ASMT: variants seen among roughly 807,000 people sequenced by gnomAD.
ASMT encodes acetylserotonin O-methyltransferase.
ASMT carries 53 observed loss-of-function variants against 41.3 expected under a neutral mutation model. That is an observed-to-expected ratio of 1.28 (90% CI 1.03 to 1.61). The LOEUF (loss-of-function observed/expected upper bound fraction) is 1.61, where lower values mean the gene tolerates loss of function less well. Ranked by LOEUF, ASMT falls within the 40% of genes most tolerant of loss-of-function variation. ASMT has a pLI of 0.00. For synonymous variants in ASMT, 231 were observed against 184.8 expected (o/e 1.25, Z -2.03); for missense variants, 531 against 441.3 (o/e 1.20, Z -1.82).
At chrX:1,625,174 G>T (rs1934486939) in intron 3 of ASMT, among the ~76,000 whole-genome samples, 1 of 146,280 alleles carries the variant, frequency 6.8e-6, no homozygotes, top group South Asian at 2.1e-4. Context: ...GCGCCATCTC[G>T]GCTCATTGCA....
At chrX:1,628,336 A>G (rs1234917726) in intron 4 of ASMT, among the ~76,000 whole-genome samples, 1 of 152,146 alleles carries the variant, frequency 6.6e-6, no homozygotes. Flanking sequence ...AAGAAAAGAA[A>G]AGAATATAGA....
intron 7 of ASMT, among the ~76,000 whole-genome samples, chrX:1,634,993 G>C (rs113112409): frequency 0.1 from 8,299 of 79,214 alleles, 330 homozygotes; most frequent in Middle Eastern, 0.2. Flanking sequence ...TTTTTTTTTT[G>C]AGATGGAGTC....
chrX:1,635,392 A>G (rs1934923417), intron 7 of ASMT, among the ~76,000 whole-genome samples: 1 of 152,096 alleles, frequency 6.6e-6, no homozygotes, highest in Non-Finnish European at 1.5e-5. Context: ...CATCGCACAC[A>G]CATAAAGGGT....
rs1247660237 is a variant in ASMT at position 1,629,722 on chromosome X, G to T, written c.444-99G>T. ...ATGCAAGCCTTCCAGGTGCACCTGT[G>T]GGGTATAGCTCCGTTCTCAACAGGG... is the stretch of plus-strand genomic sequence containing the variant. On this transcript the variant is annotated intron_variant, in intron 4 of 8. Coordinates refer to ENST00000381241, the MANE Select transcript of ASMT (RefSeq NM_001171038.2). 4 of 1,070,184 alleles carry T rather than the reference G, an allele frequency of 3.7e-6. No homozygotes were observed. In the African/African-American group the frequency reaches 6.1e-5, roughly 16 times the overall value. The allele number at this position is 1,070,184 out of a possible 1,614,324, so 66.3% of individuals were successfully genotyped here. A position where few individuals can be genotyped will look rare whatever the true frequency, so the allele number is the denominator to read the frequency against.
chrX:1,617,680 A>G (rs1378026745), intron 1 of ASMT, among the ~76,000 whole-genome samples: 1 of 149,340 alleles, frequency 6.7e-6, no homozygotes, highest in African/African-American at 2.5e-5. Context: ...CAGTGGCGCT[A>G]TCTCGGCTCA....
intron 1 of ASMT, among the ~76,000 whole-genome samples, chrX:1,615,695 G>A (rs1295405614): frequency 3.3e-5 from 5 of 151,884 alleles, no homozygotes; most frequent in Admixed American, 1.3e-4. Context: ...CCAGCTACTT[G>A]GGAGGCTGAG....
At chrX:1,631,193 C>G (rs1380307178) in intron 5 of ASMT, among the ~76,000 whole-genome samples, 10 of 151,676 alleles carry the variant, frequency 6.6e-5, no homozygotes, top group African/African-American at 2.4e-4. Context: ...GGATTGCAGG[C>G]ATGAGCCACT....
At chrX:1,641,687 G>C (rs1472694268) in intron 8 of ASMT, among the ~76,000 whole-genome samples, 2 of 148,044 alleles carry the variant, frequency 1.4e-5, no homozygotes, top group Admixed American at 7.0e-5. Flanking sequence ...CAGCCTCTCT[G>C]TGTGAGATGG....
rs761206501 is a variant in ASMT at position 1,632,719 on chromosome X, T to C, written c.578T>C (p.Leu193Pro). The change falls in exon 6 of 9, where the codon CTG (leucine) becomes CCG (proline). Residue 193 changes from leucine (L) to proline (P), a missense_variant. By Grantham distance (98) the Leu-to-Pro change is moderately conservative. Coordinates refer to ENST00000381241, the MANE Select transcript of ASMT (RefSeq NM_001171038.2). ...TCCTTTGCAGGGACATGGATAAAGC[T>C]GGAAACCATCATTCTCAGCAAACTA... Reference protein sequence around the residue: ...MCDLGGTWIKLETIILSKLSQ... With the variant: ...MCDLGGTWIKPETIILSKLSQ... 1.0e-3 allele frequency: 276 copies of C among 269,610 alleles called. No individual in the cohort carries two copies. Among genetic ancestry groups the C allele is most frequent in the African/African-American group, 5.6e-3 (259 of 46,242 alleles). The allele number at this position is 269,610 out of a possible 1,614,324, so 16.7% of individuals were successfully genotyped here. A position where few individuals can be genotyped will look rare whatever the true frequency, so the allele number is the denominator to read the frequency against.
At chrX:1,619,547 A>G (rs1381369097) in intron 1 of ASMT, among the ~76,000 whole-genome samples, 1 of 132,452 alleles carries the variant, frequency 7.5e-6, no homozygotes, top group Non-Finnish European at 1.6e-5. Flanking sequence ...CAGAACTTAA[A>G]GTATAATAAT....
At chrX:1,617,196 C>T (rs775150074) in intron 1 of ASMT, among the ~76,000 whole-genome samples, 46 of 150,988 alleles carry the variant, frequency 3.0e-4, no homozygotes, top group African/African-American at 1.0e-3. Context: ...CGGCAGGGCG[C>T]GGTGGCTCAT....
rs1452921086 is a variant in ASMT, at chrX:1,627,784, A to G, written c.443+13A>G. The stretch of plus-strand genomic sequence containing the variant: ...CGGCCATCTACAGGTAACACCCATC[A>G]CTTTGAAACCAACAACTCAGATAAG... On this transcript the variant is annotated intron_variant, in intron 4 of 8. Transcript: ENST00000381241. 3.1e-6 allele frequency: 5 copies of G among 1,612,448 alleles called. No individual in the cohort carries two copies. The East Asian group carries it at 8.9e-5, about 29-fold the overall frequency.
At chrX:1,632,096 A>G (rs1182646019) in intron 5 of ASMT, among the ~76,000 whole-genome samples, 1 of 152,158 alleles carries the variant, frequency 6.6e-6, no homozygotes, top group Non-Finnish European at 1.5e-5. Flanking sequence ...GACAAGGAGC[A>G]TGGGGCTGGA....
chrX:1,627,361 C>T (rs1375393653), intron 3 of ASMT, among the ~76,000 whole-genome samples: 3 of 149,306 alleles, frequency 2.0e-5, no homozygotes, highest in Non-Finnish European at 3.0e-5. Context: ...GTGGCTCACA[C>T]CTGTAACCCC....
At chrX:1,635,849 C>A (rs1253837195) in intron 7 of ASMT, among the ~76,000 whole-genome samples, 1 of 150,980 alleles carries the variant, frequency 6.6e-6, no homozygotes, top group African/African-American at 2.4e-5. Context: ...GCAACAAGAG[C>A]AAAACTCCAT....
chrX:1,625,764 C>A (rs1275973572), intron 3 of ASMT, among the ~76,000 whole-genome samples: 3 of 151,434 alleles, frequency 2.0e-5, no homozygotes, highest in Non-Finnish European at 4.4e-5. Context: ...ACCATCCTGG[C>A]TAACACGGTG....
rs760022903 is a variant in ASMT at position 1,643,052 on chromosome X, A to C, written c.*38A>C. On this transcript the variant is annotated 3_prime_UTR_variant, in exon 9 of 9. Coordinates refer to ENST00000381241, the MANE Select transcript of ASMT (RefSeq NM_001171038.2). ...ACCTGGAACTAACGTCAAAGCACAC[A>C]AGACATAATAATAAAGACATGTACC... 4 of 1,599,364 alleles carry C rather than the reference A, an allele frequency of 2.5e-6. No homozygotes were observed. In the South Asian group the frequency reaches 4.4e-5, roughly 18 times the overall value.
At chrX:1,633,340 G>T in intron 7 of ASMT, 50 bp downstream of exon 7, 4 of 1,611,760 alleles carry the variant, frequency 2.5e-6, no homozygotes, top group Non-Finnish European at 3.4e-6. Flanking sequence ...GGCTTCTCCA[G>T]GGGGACTGGA....
Position 1,623,279 on chromosome X carries a change from G to A in ASMT, c.210G>A (p.Leu70=). 6.2e-7 allele frequency: 1 copy of A among 1,613,964 alleles called. No individual in the cohort carries two copies. The highest frequency in any genetic ancestry group is 1.1e-5 in the South Asian group (1 of 91,072). ...TCCTGCTGGACATCTGTGTGTCCCT[G>A]AAGCTGCTGAAAGTGGAGACGAGGG... The part of the protein sequence containing the change: ...TELLLDICVS[L]KLLKVETRGG... The change falls in exon 2 of 9, where the codon CTG becomes CTA. Residue 70 remains leucine, a synonymous_variant. Coordinates refer to ENST00000381241, the MANE Select transcript of ASMT (RefSeq NM_001171038.2).
Sources: gnomAD v4.1 joint callset for allele counts (sites outside exome capture counted in the v4.1 genomes callset) on GRCh38, gnomAD v4.1.1 for gene constraint, MANE v1.5 for transcripts, NCBI Gene and HGNC (gene_info 2026-07-23, HGNC 2026-07-21) for gene names.